The following GOLGB1 variants were observed in gnomAD, a reference collection of about 807,000 sequenced individuals.
GOLGB1 encodes golgin subfamily B member 1.
GOLGB1 carries 174 observed loss-of-function variants against 336.9 expected under a neutral mutation model. That is an observed-to-expected ratio of 0.52 (90% CI 0.46 to 0.59). The LOEUF is 0.59. Among genes scored for constraint, GOLGB1 ranks in the 20% least tolerant of loss-of-function variants. GOLGB1 has a pLI of 0.00. For synonymous variants in GOLGB1, 1,208 were observed against 1,289.2 expected, an observed-to-expected ratio of 0.94 and a Z score of 1.35; for missense variants, 3,331 against 3,645.3, an observed-to-expected ratio of 0.91 and a Z score of 2.22.
rs771472458 is a variant in GOLGB1 at position 121,677,459 on chromosome 3, A to C, written c.8874-9T>G. On this transcript the variant is annotated splice_polypyrimidine_tract_variant and intron_variant, in intron 15 of 21. Transcript: ENST00000614479. ...AGGAACTCTTCTCCATCCTAGAAAA[A>C]ACATGACACAATCACAGGTAAAAAT... 6 of 1,594,850 alleles carry C rather than the reference A, an allele frequency of 3.8e-6. No homozygotes were observed. The highest frequency in any genetic ancestry group is 3.4e-6 in the Non-Finnish European group (4 of 1,163,006).
At chr3:121,700,252 A>G (rs925781895) in intron 11 of GOLGB1, among the ~76,000 whole-genome samples, 1 of 152,108 alleles carries the variant, frequency 6.6e-6, no homozygotes, top group Non-Finnish European at 1.5e-5. Flanking sequence ...TATATTTTGC[A>G]TTAATATAGC....
At chr3:121,703,778 C>T (rs187887801) in intron 10 of GOLGB1, among the ~76,000 whole-genome samples, 8 of 151,972 alleles carry the variant, frequency 5.3e-5, no homozygotes, top group Non-Finnish European at 8.8e-5. Context: ...GAAAGAGTGA[C>T]CCATTCTCAA....
chr3:121,710,443 T>G (rs556518563), intron 10 of GOLGB1, among the ~76,000 whole-genome samples: 139 of 152,252 alleles, frequency 9.1e-4, no homozygotes, highest in African/African-American at 3.3e-3. Context: ...CACAAAATAT[T>G]AGCAAATCAA....
intron 14 of GOLGB1, among the ~76,000 whole-genome samples, chr3:121,688,965 G>A (rs1942099150): frequency 1.3e-5 from 2 of 152,050 alleles, no homozygotes; most frequent in Admixed American, 1.3e-4. Flanking sequence ...ACCCCGTCTG[G>A]GAAGTGAGGA....
At chr3:121,727,293 C>CAT (rs1235174337) in intron 4 of GOLGB1, among the ~76,000 whole-genome samples, 628 of 27,548 alleles carry the variant, frequency 0.023, 23 homozygotes, top group Middle Eastern at 0.05. Flanking sequence ...CACACACACA[C>CAT]ATATATATAT....
intron 16 of GOLGB1, 77 bp from the exon 17 acceptor site, chr3:121,677,107 C>A (rs1252022213): frequency 2.6e-6 from 4 of 1,565,098 alleles, no homozygotes; most frequent in Admixed American, 1.7e-5. Flanking sequence ...GAAATCCTGT[C>A]CGCCCCATAG....
chr3:121,698,516 TG>T lies in GOLGB1; in HGVS notation c.2006del (p.Thr669LysfsTer26). 6.2e-7 allele frequency: 1 copy of T among 1,613,730 alleles called. No individual in the cohort carries two copies. Among genetic ancestry groups the T allele is most frequent in the South Asian group, 1.1e-5 (1 of 91,070 alleles). ...AAAGGGATTTATCACCATCCTGCTT[TG>T]TTGATTTCAATTCTACTCCAGCATC... ...LNDAGVELKS[T>X]KQDGDKSLSA... is the part of the protein sequence containing the mutation. On this transcript the variant is annotated frameshift_variant, in exon 13 of 22. Transcript: ENST00000614479. LOFTEE classifies it high-confidence loss of function.
In GOLGB1 at chr3:121,664,408, T is replaced by C. The variant is rs1175318911; in HGVS notation, c.*72A>G. 7 of 1,278,600 alleles carry C rather than the reference T, an allele frequency of 5.5e-6. No homozygotes were observed. The highest frequency in any genetic ancestry group is 2.3e-5 in the East Asian group (1 of 43,090). The allele number at this position is 1,278,600 out of a possible 1,614,324, so 79.2% of individuals were successfully genotyped here. On this transcript the variant is annotated 3_prime_UTR_variant, in exon 22 of 22. Transcript: ENST00000614479. ...AAATGGGAAGACTGTTCCACTGGAA[T>C]TGATGTTCTGATGTTAGAGGTGAGA...
At chr3:121,718,036 C>T (rs930776584) in intron 8 of GOLGB1, among the ~76,000 whole-genome samples, 1 of 152,088 alleles carries the variant, frequency 6.6e-6, no homozygotes, top group South Asian at 2.1e-4. Flanking sequence ...CTTGTGGTGT[C>T]ATGTTGGTGC....
intron 10 of GOLGB1, among the ~76,000 whole-genome samples, chr3:121,714,158 C>A (rs34051021): frequency 0.34 from 51,567 of 151,956 alleles, 9,440 homozygotes; most frequent in Non-Finnish European, 0.42. Flanking sequence ...ACAGCATAGC[C>A]CAGGAATGAC....
chr3:121,667,163 G>A (rs184595097), intron 20 of GOLGB1, among the ~76,000 whole-genome samples: 86 of 152,294 alleles, frequency 5.6e-4, no homozygotes, highest in Admixed American at 1.2e-3. Flanking sequence ...AAATGAGGTT[G>A]TCACTTATTT....
intron 14 of GOLGB1, among the ~76,000 whole-genome samples, chr3:121,688,387 T>G (rs995502207): frequency 7.9e-5 from 12 of 152,264 alleles, no homozygotes; most frequent in African/African-American, 2.7e-4. Context: ...GGGGTTTCGC[T>G]GTGTTGGCCG....
intron 7 of GOLGB1, 22 bp from the exon 8 acceptor site, chr3:121,718,523 CATA>C: frequency 7.1e-7 from 1 of 1,417,456 alleles, no homozygotes; most frequent in East Asian, 2.3e-5. Context: ...ACATTTTAGA[CATA>C]ATATGCTAAC....
chr3:121,745,961 A>G (rs1947257595), intron 1 of GOLGB1, among the ~76,000 whole-genome samples: 1 of 152,242 alleles, frequency 6.6e-6, no homozygotes, highest in Non-Finnish European at 1.5e-5. Flanking sequence ...AAAAATATAA[A>G]AAGAATTATA....
chr3:121,711,472 C>T (rs1347568142), intron 10 of GOLGB1, among the ~76,000 whole-genome samples: 2 of 151,988 alleles, frequency 1.3e-5, no homozygotes, highest in East Asian at 3.9e-4. Flanking sequence ...AGAAACAATG[C>T]AAGAAAGTCC....
chr3:121,731,675 AT>A (rs1946130076), intron 1 of GOLGB1, among the ~76,000 whole-genome samples: 1 of 152,214 alleles, frequency 6.6e-6, no homozygotes, highest in African/African-American at 2.4e-5. Flanking sequence ...CTTTGCTAAA[AT>A]TTAAATATAA....
At chr3:121,721,277 T>C (rs529426941) in intron 6 of GOLGB1, among the ~76,000 whole-genome samples, 144 of 152,134 alleles carry the variant, frequency 9.5e-4, no homozygotes, top group African/African-American at 3.2e-3. Flanking sequence ...TAATTAGCTA[T>C]GTACAAAGGT....
intron 13 of GOLGB1, among the ~76,000 whole-genome samples, chr3:121,693,029 A>C (rs35489993): frequency 0.35 from 52,784 of 152,034 alleles, 9,599 homozygotes; most frequent in Non-Finnish European, 0.39. Flanking sequence ...AGTTCTATAG[A>C]TTAAAAAGTG....
At chr3:121,722,650 C>T (rs1419539169) in intron 5 of GOLGB1, among the ~76,000 whole-genome samples, 2 of 152,126 alleles carry the variant, frequency 1.3e-5, no homozygotes, top group South Asian at 2.1e-4. Context: ...ATAACATTTA[C>T]AGTTAAATTA....
Sources: allele counts gnomAD v4.1 joint callset (sites outside exome capture counted in the v4.1 genomes callset), GRCh38; gene constraint gnomAD v4.1.1; transcripts MANE v1.5; gene names NCBI Gene and HGNC (gene_info 2026-07-23, HGNC 2026-07-21).